Variants in ZFHX3 observed in about 807,000 individuals in gnomAD.
ZFHX3 encodes zinc finger homeobox protein 3.
ZFHX3 carries 42 observed loss-of-function variants against 279.1 expected under a neutral mutation model. The observed-to-expected ratio is 0.15, with a 90% CI of 0.12 to 0.19. ZFHX3 has a LOEUF of 0.19. ZFHX3 is among the 10% of genes least tolerant of loss of function. ZFHX3 has a pLI of 1.00. For missense variants in ZFHX3, 4,981 were observed against 4,754.0 expected (o/e 1.05, Z -1.40); for synonymous variants, 2,293 against 1,957.8 (o/e 1.17, Z -4.52).
chr16:73,447,250 T>C (rs1436535790), intron 3 of ZFHX3, among the ~76,000 whole-genome samples: 1 of 143,512 alleles, frequency 7.0e-6, no homozygotes, highest in Non-Finnish European at 1.5e-5. Context: ...GAACAAGAAG[T>C]AGTGAAAAAA....
At chr16:73,322,228 G>A (rs1001726775) in intron 3 of ZFHX3, among the ~76,000 whole-genome samples, 2 of 151,816 alleles carry the variant, frequency 1.3e-5, no homozygotes, top group Non-Finnish European at 2.9e-5. Context: ...AGAGGCAGAT[G>A]AAATCAGCCA....
chr16:73,286,692 A>C (rs1165197441), intron 4 of ZFHX3, among the ~76,000 whole-genome samples: 2 of 98,726 alleles, frequency 2.0e-5, no homozygotes, highest in Non-Finnish European at 4.3e-5. Context: ...TTGGTGTGTG[A>C]GTGTGAGTGT....
chr16:73,124,840 C>T (rs1358069418), intron 7 of ZFHX3, among the ~76,000 whole-genome samples: 1 of 152,146 alleles, frequency 6.6e-6, no homozygotes, highest in Non-Finnish European at 1.5e-5. Flanking sequence ...TAACAGGACC[C>T]ATAACCTTGT....
chr16:72,867,485 T>A (rs757366076), intron 4 of ZFHX3, among the ~76,000 whole-genome samples: 4 of 152,124 alleles, frequency 2.6e-5, no homozygotes, highest in African/African-American at 9.7e-5. Context: ...TACCAAAACA[T>A]ACCAAAATCT....
chr16:73,556,014 T>C lies in ZFHX3; in HGVS notation c.-1546-99756A>G, dbSNP rs562843004. Among the ~76,000 whole-genome samples the C allele has an allele frequency of 1.1e-4, 16 of 152,202 alleles. No homozygotes were observed. The East Asian group carries it at 2.7e-3, about 26-fold the overall frequency. ...CTTTCTTAAATGCAGACACAGTGTT[T>C]TCTGTGATGTGAAGTCAGTTTGTGT... On this transcript the variant is annotated intron_variant, in intron 2 of 17. Transcript: ENST00000641206.
intron 7 of ZFHX3, among the ~76,000 whole-genome samples, chr16:73,112,641 G>A (rs999353114): frequency 1.3e-5 from 2 of 150,674 alleles, no homozygotes; most frequent in Admixed American, 6.6e-5. Flanking sequence ...TCTTGAACCC[G>A]GGAGGTGGAG....
chr16:73,484,215 G>C lies in ZFHX3; in HGVS notation c.-1546-27957C>G, dbSNP rs145470625. On this transcript the variant is annotated intron_variant, in intron 2 of 17. Transcript: ENST00000641206. ...GTCTCAAAGAAAACGCTCTTTCCAC[G>C]AAGCATCTTCTCCGTATTGTAAGGG... Among the ~76,000 whole-genome samples the C allele has an allele frequency of 1.0e-3, 154 of 152,172 alleles. 1 individual carries two copies. The highest frequency in any genetic ancestry group is 3.4e-3 in the African/African-American group (142 of 41,520).
At position 72,787,338 on chromosome 16, in the gene ZFHX3, G is replaced by C. The variant is rs771628063; in HGVS notation, c.10938C>G (p.Cys3646Trp). 1.2e-5 allele frequency: 19 copies of C among 1,613,770 alleles called. No homozygotes were observed. The highest frequency in any genetic ancestry group is 1.6e-5 in the Non-Finnish European group (19 of 1,179,926). ...SSSSTVTSSS[C>W]STSGVQPSMP... is the part of the protein sequence containing the mutation. The stretch of plus-strand genomic sequence containing the variant: ...TCGAGGGCTGAACCCCTGAGGTGCT[G>C]CATGAACTTGAGGTAACCGTTGAAG... Residue 3646 changes from cysteine (C) to tryptophan (W), a missense_variant, in exon 10 of 10, where the codon TGC (cysteine) becomes TGG (tryptophan). Coordinates refer to ENST00000268489, the MANE Select transcript of ZFHX3 (RefSeq NM_006885.4).
At chr16:72,884,198 A>T (rs920931394) in intron 4 of ZFHX3, among the ~76,000 whole-genome samples, 1 of 152,230 alleles carries the variant, frequency 6.6e-6, no homozygotes, top group African/African-American at 2.4e-5. Flanking sequence ...GTGATTCATC[A>T]AATGAGGCCA....
chr16:72,845,541 C>T (rs539348265), intron 4 of ZFHX3, among the ~76,000 whole-genome samples: 79 of 152,308 alleles, frequency 5.2e-4, no homozygotes, highest in Non-Finnish European at 7.1e-4. Context: ...CACTGCCCCA[C>T]GCCACGTGCT....
At chr16:73,348,059 T>G (rs1441574428) in intron 3 of ZFHX3, among the ~76,000 whole-genome samples, 1 of 152,228 alleles carries the variant, frequency 6.6e-6, no homozygotes. Context: ...AGGAACTGTG[T>G]GACCTGCTTC....
chr16:73,495,988 C>A (rs940446156), intron 2 of ZFHX3, among the ~76,000 whole-genome samples: 1 of 152,140 alleles, frequency 6.6e-6, no homozygotes, highest in African/African-American at 2.4e-5. Context: ...ATTTATGGAG[C>A]CTTAACATAA....
At chr16:73,328,917 C>T (rs1211946579) in intron 3 of ZFHX3, among the ~76,000 whole-genome samples, 1 of 152,236 alleles carries the variant, frequency 6.6e-6, no homozygotes, top group African/African-American at 2.4e-5. Flanking sequence ...CCATGCTGCT[C>T]TTCCTTTCTC....
intron 1 of ZFHX3, among the ~76,000 whole-genome samples, chr16:73,787,814 AGT>A (rs72236616): frequency 0.25 from 34,766 of 137,732 alleles, 4,412 homozygotes; most frequent in South Asian, 0.34. Context: ...GTTTTCTTAA[AGT>A]GTGTGTGTGT....
chr16:73,544,195 A>G (rs553713127), intron 2 of ZFHX3, among the ~76,000 whole-genome samples: 160 of 144,224 alleles, frequency 1.1e-3, no homozygotes, highest in African/African-American at 4.2e-3. Context: ...TAGGGAGAGG[A>G]AAAAAAAAGG....
rs532799218 is a variant in ZFHX3 at position 73,296,843 on chromosome 16, C to T, written c.-1194+21397G>A. 3.4e-5 allele frequency among the ~76,000 whole-genome samples: 5 copies of T among 145,804 alleles called. No individual in the cohort carries two copies. The South Asian group carries it at 1.1e-3, about 32-fold the overall frequency. ...ATTCAAAGGGCTTCAGAAGCATCCT[C>T]TCATTTACTTTATAATTGCCATGTG... On this transcript the variant is annotated intron_variant, in intron 4 of 17. Coordinates refer to the ZFHX3 transcript ENST00000641206.
At chr16:73,788,423 A>G (rs1008259610) in intron 1 of ZFHX3, among the ~76,000 whole-genome samples, 1 of 152,170 alleles carries the variant, frequency 6.6e-6, no homozygotes. Context: ...AAGAAATAGA[A>G]GTGATCGTGT....
chr16:73,287,840 G>C (rs112435609), intron 4 of ZFHX3, among the ~76,000 whole-genome samples: 3 of 69,570 alleles, frequency 4.3e-5, no homozygotes, highest in South Asian at 6.4e-4. Flanking sequence ...GTGTGGGTTG[G>C]TGAGTGGCTG....
chr16:73,731,907 T>C (rs1271876840), intron 1 of ZFHX3, among the ~76,000 whole-genome samples: 1 of 152,178 alleles, frequency 6.6e-6, no homozygotes, highest in African/African-American at 2.4e-5. Flanking sequence ...TCTGAATGGA[T>C]AACAATTTGT....
Sources: gnomAD v4.1 joint callset for allele counts (sites outside exome capture counted in the v4.1 genomes callset) on GRCh38, gnomAD v4.1.1 for gene constraint, MANE v1.5 for transcripts, NCBI Gene and HGNC (gene_info 2026-07-23, HGNC 2026-07-21) for gene names.